The following NRG3 variants were observed in gnomAD, a reference collection of about 807,000 sequenced individuals.
NRG3 encodes the protein pro-neuregulin-3, membrane-bound isoform.
Under a neutral mutation model 66.9 loss-of-function variants are expected in NRG3, and 31 were observed. That is an observed-to-expected ratio of 0.46 (90% CI 0.35 to 0.63). The LOEUF is 0.63. Ranked by LOEUF, NRG3 falls within the 20% of genes least tolerant of loss-of-function variation. The pLI is 0.00. For missense variants in NRG3, 910 were observed against 878.9 expected (o/e 1.04, Z -0.45); for synonymous variants, 393 against 359.4 (o/e 1.09, Z -1.06).
intron 1 of NRG3, among the ~76,000 whole-genome samples, chr10:82,062,738 A>G (rs1213972128): frequency 3.9e-5 from 6 of 152,214 alleles, no homozygotes; most frequent in African/African-American, 1.4e-4. Flanking sequence ...GCTACTGGGG[A>G]AAAGTATCAT....
intron 2 of NRG3, among the ~76,000 whole-genome samples, chr10:82,733,280 G>T (rs2134674819): frequency 6.6e-6 from 1 of 152,288 alleles, no homozygotes; most frequent in East Asian, 1.9e-4. Flanking sequence ...CATTTTTGTA[G>T]ATACAGAGTA....
At chr10:82,052,690 A>T (rs1049960844) in intron 1 of NRG3, among the ~76,000 whole-genome samples, 1 of 152,222 alleles carries the variant, frequency 6.6e-6, no homozygotes, top group Non-Finnish European at 1.5e-5. Flanking sequence ...CGTGTAGCTT[A>T]GTTCAACAGT....
chr10:82,014,759 C>A (rs2061714347), intron 1 of NRG3, among the ~76,000 whole-genome samples: 1 of 152,100 alleles, frequency 6.6e-6, no homozygotes, highest in African/African-American at 2.4e-5. Flanking sequence ...GACTGTAGGG[C>A]AGATTCTCAT....
chr10:82,600,082 A>G (rs2047523911), intron 2 of NRG3, among the ~76,000 whole-genome samples: 1 of 152,156 alleles, frequency 6.6e-6, no homozygotes, highest in African/African-American at 2.4e-5. Flanking sequence ...TTGATTGTTA[A>G]GCATCTAGTA....
chr10:82,660,216 A>AAAAC (rs1224340425), intron 2 of NRG3, among the ~76,000 whole-genome samples: 13 of 142,736 alleles, frequency 9.1e-5, no homozygotes, highest in Non-Finnish European at 1.7e-4. Context: ...AAAAAAAAAA[A>AAAAC]AAAAAAAAAA....
intron 1 of NRG3, among the ~76,000 whole-genome samples, chr10:82,145,522 G>C (rs2070178175): frequency 6.6e-6 from 1 of 152,076 alleles, no homozygotes; most frequent in Non-Finnish European, 1.5e-5. Context: ...TTGTGTGATG[G>C]CCTCAACATC....
intron 1 of NRG3, among the ~76,000 whole-genome samples, chr10:82,149,294 A>G (rs991274772): frequency 4.6e-5 from 7 of 152,140 alleles, no homozygotes; most frequent in African/African-American, 1.2e-4. Context: ...TACATTATAA[A>G]TTCCTAATTA....
At chr10:82,817,517 G>A (rs2061764236) in intron 3 of NRG3, among the ~76,000 whole-genome samples, 1 of 152,008 alleles carries the variant, frequency 6.6e-6, no homozygotes, top group African/African-American at 2.4e-5. Context: ...AACTTGCTTT[G>A]TTTGCTTCTC....
At chr10:82,852,692 G>A (rs991952891) in intron 3 of NRG3, among the ~76,000 whole-genome samples, 3 of 152,178 alleles carry the variant, frequency 2.0e-5, no homozygotes, top group Non-Finnish European at 4.4e-5. Context: ...GCTAAGTGAT[G>A]TAAAATTAGA....
chr10:82,304,787 G>A (rs1361183157), intron 1 of NRG3, among the ~76,000 whole-genome samples: 2 of 151,976 alleles, frequency 1.3e-5, no homozygotes, highest in South Asian at 2.1e-4. Context: ...TTACATCTGG[G>A]AAATTCTTTT....
intron 2 of NRG3, among the ~76,000 whole-genome samples, chr10:82,361,943 C>T (rs1165393486): frequency 6.6e-5 from 10 of 151,320 alleles, no homozygotes; most frequent in Admixed American, 6.6e-4. Context: ...AAATTGTAAT[C>T]CTATAATAAA....
intron 2 of NRG3, among the ~76,000 whole-genome samples, chr10:82,480,439 T>G (rs1315658172): frequency 2.0e-5 from 3 of 152,186 alleles, no homozygotes; most frequent in African/African-American, 7.2e-5. Flanking sequence ...AGTAAAATAA[T>G]TGGTGCTTAT....
intron 3 of NRG3, among the ~76,000 whole-genome samples, chr10:82,809,984 CT>C (rs2061427827): frequency 6.7e-6 from 1 of 150,368 alleles, no homozygotes; most frequent in African/African-American, 2.4e-5. Flanking sequence ...TATTTCTGCT[CT>C]TGTGAAAGCC....
At chr10:82,926,979 T>A (rs1847067451) in intron 4 of NRG3, among the ~76,000 whole-genome samples, 1 of 152,186 alleles carries the variant, frequency 6.6e-6, no homozygotes, top group Non-Finnish European at 1.5e-5. Flanking sequence ...TGGTCTCCAG[T>A]TTAGTTTTCT....
At chr10:82,876,715 T>C (rs750730721) in intron 4 of NRG3, among the ~76,000 whole-genome samples, 1 of 152,150 alleles carries the variant, frequency 6.6e-6, no homozygotes, top group Non-Finnish European at 1.5e-5. Flanking sequence ...ATGTTCAGAT[T>C]GTACTTAGAA....
chr10:82,110,419 C>G (rs1403881694), intron 1 of NRG3, among the ~76,000 whole-genome samples: 1 of 152,058 alleles, frequency 6.6e-6, no homozygotes, highest in African/African-American at 2.4e-5. Flanking sequence ...AGATCAGAAG[C>G]CATTGGAGAA....
chr10:82,894,076 G>A (rs1278989881), intron 4 of NRG3, among the ~76,000 whole-genome samples: 1 of 152,130 alleles, frequency 6.6e-6, no homozygotes, highest in African/African-American at 2.4e-5. Context: ...CTCTTTCAGA[G>A]AATTGCAAAG....
intron 1 of NRG3, among the ~76,000 whole-genome samples, chr10:82,154,499 G>A (rs2474270): frequency 0.45 from 67,611 of 151,394 alleles, 18,886 homozygotes; most frequent in Non-Finnish European, 0.62. Flanking sequence ...TTGAAATCAG[G>A]AGTGTAATGC....
chr10:82,311,365 A>G (rs986987553), intron 1 of NRG3, among the ~76,000 whole-genome samples: 1 of 152,204 alleles, frequency 6.6e-6, no homozygotes, highest in Non-Finnish European at 1.5e-5. Flanking sequence ...GCTCCTGTGT[A>G]GCACAATGTT....
Sources: gnomAD v4.1 joint callset for allele counts (sites outside exome capture counted in the v4.1 genomes callset) on GRCh38, gnomAD v4.1.1 for gene constraint, MANE v1.5 for transcripts, NCBI Gene and HGNC (gene_info 2026-07-23, HGNC 2026-07-21) for gene names.